Variants in GLIS3 observed in about 807,000 individuals in gnomAD.
The protein encoded by GLIS3 is zinc finger protein GLIS3.
A neutral mutation model predicts 78.6 loss-of-function variants in GLIS3; 53 were observed. The ratio of observed to expected loss-of-function variants is 0.67; its 90% CI spans 0.54 to 0.85. The LOEUF (loss-of-function observed/expected upper bound fraction) is 0.85, where lower values mean the gene tolerates loss of function less well. GLIS3 is among the 40% of genes least tolerant of loss of function. GLIS3 has a pLI of 0.00. For missense variants in GLIS3, 1,703 were observed against 1,231.1 expected (o/e 1.38, Z -5.74); for synonymous variants, 684 against 509.9 (o/e 1.34, Z -4.60).
chr9:4,449,388 G>T, the GLIS3 span, among the ~76,000 whole-genome samples: 1 of 152,210 alleles, frequency 6.6e-6, no homozygotes, highest in African/African-American at 2.4e-5. Context: ...ACCTCTGGTG[G>T]CAGGGCATAG....
chr9:4,121,723 C>T (rs1277093518), intron 3 of GLIS3, among the ~76,000 whole-genome samples: 1 of 152,014 alleles, frequency 6.6e-6, no homozygotes, highest in Non-Finnish European at 1.5e-5. Context: ...CCTACTGGAT[C>T]ATACACATTC....
intron 8 of GLIS3, among the ~76,000 whole-genome samples, chr9:3,860,808 G>T (rs10973868): frequency 0.087 from 13,294 of 152,144 alleles, 717 homozygotes; most frequent in East Asian, 0.18. Flanking sequence ...TTCATTCAAG[G>T]GGTCTTTGTT....
At chr9:4,272,814 T>A (rs563606482) in intron 2 of GLIS3, among the ~76,000 whole-genome samples, 1 of 152,316 alleles carries the variant, frequency 6.6e-6, no homozygotes, top group South Asian at 2.1e-4. Flanking sequence ...AATGAAACTT[T>A]CCCCAAATGT....
intron 4 of GLIS3, among the ~76,000 whole-genome samples, chr9:4,100,396 A>G (rs1245101546): frequency 6.6e-6 from 1 of 152,230 alleles, no homozygotes; most frequent in African/African-American, 2.4e-5. Context: ...ATGGGGGAGT[A>G]CAACAACATA....
At chr9:3,882,514 C>T (rs111449631) in intron 7 of GLIS3, among the ~76,000 whole-genome samples, 9,006 of 151,994 alleles carry the variant, frequency 0.059, 345 homozygotes, top group Middle Eastern at 0.095. Context: ...CCACTAGAAA[C>T]AGGTGGTGAA....
At chr9:4,365,466 G>A in the GLIS3 span, among the ~76,000 whole-genome samples, 3 of 151,994 alleles carry the variant, frequency 2.0e-5, no homozygotes, top group African/African-American at 7.3e-5. Context: ...TGAGGCAGGA[G>A]AATCGCTTGA....
At chr9:3,969,625 A>G (rs1043048797) in intron 4 of GLIS3, among the ~76,000 whole-genome samples, 3 of 152,234 alleles carry the variant, frequency 2.0e-5, no homozygotes, top group African/African-American at 7.2e-5. Flanking sequence ...CCAAAAGCCC[A>G]GGATAGCTCT....
At chr9:4,100,960 C>T (rs900246068) in intron 4 of GLIS3, among the ~76,000 whole-genome samples, 1 of 152,094 alleles carries the variant, frequency 6.6e-6, no homozygotes, top group Non-Finnish European at 1.5e-5. Flanking sequence ...ATATAATAGC[C>T]AGCCCTGGTG....
At chr9:4,203,391 C>T (rs954329981) in intron 2 of GLIS3, among the ~76,000 whole-genome samples, 3 of 152,164 alleles carry the variant, frequency 2.0e-5, no homozygotes, top group Admixed American at 6.5e-5. Context: ...AATGCAATTT[C>T]GTTTAGCAAC....
At chr9:4,329,691 CACCT>C (rs1817655841) in intron 2 of GLIS3, among the ~76,000 whole-genome samples, 1 of 152,120 alleles carries the variant, frequency 6.6e-6, no homozygotes, top group African/African-American at 2.4e-5. Flanking sequence ...TCTGCCCACC[CACCT>C]GATATGCGAA....
intron 6 of GLIS3, among the ~76,000 whole-genome samples, chr9:3,911,031 C>G (rs532306953): frequency 2.6e-4 from 39 of 152,334 alleles, no homozygotes; most frequent in African/African-American, 8.4e-4. Context: ...ATCCCTTATT[C>G]TAGACTTTCT....
At chr9:4,153,997 C>T (rs1834872907) in intron 2 of GLIS3, among the ~76,000 whole-genome samples, 1 of 152,218 alleles carries the variant, frequency 6.6e-6, no homozygotes, top group Admixed American at 6.5e-5. Flanking sequence ...AAGTGGCACA[C>T]TCCCGTGCTG....
At chr9:4,114,526 G>C (rs1199691865) in intron 4 of GLIS3, among the ~76,000 whole-genome samples, 1 of 152,166 alleles carries the variant, frequency 6.6e-6, no homozygotes, top group Non-Finnish European at 1.5e-5. Context: ...CAAATATTTT[G>C]ATAATTCTGA....
In GLIS3 at chr9:3,932,734, A is replaced by G. The variant is rs1825693677; in HGVS notation, c.1873-264T>C. 3 of 446,290 alleles carry G rather than the reference A, an allele frequency of 6.7e-6. No homozygotes were observed. The East Asian group carries it at 1.6e-4, about 23-fold the overall frequency. The allele number at this position is 446,290 out of a possible 1,614,324, so 27.6% of individuals were successfully genotyped here. ...TGCTTTAGTGTGTGCTCTAACCACA[A>G]AACCTCTTGGGGCATTTTTTAATGT... On this transcript the variant is annotated intron_variant, in intron 5 of 10. Coordinates refer to ENST00000381971, the MANE Select transcript of GLIS3 (RefSeq NM_001042413.2).
At chr9:4,271,234 C>G (rs1370361068) in intron 2 of GLIS3, among the ~76,000 whole-genome samples, 3 of 152,094 alleles carry the variant, frequency 2.0e-5, no homozygotes, top group Middle Eastern at 3.2e-3. Context: ...CTCTGGCTTA[C>G]TTTATTGTCA....
At chr9:4,319,338 A>G (rs2130542512) in intron 2 of GLIS3, among the ~76,000 whole-genome samples, 1 of 152,190 alleles carries the variant, frequency 6.6e-6, no homozygotes, top group African/African-American at 2.4e-5. Context: ...CAGATGGGGG[A>G]GCAGGAAGAA....
chr9:4,308,066 A>G (rs545774725), intron 4 of GLIS3, among the ~76,000 whole-genome samples: 12 of 152,108 alleles, frequency 7.9e-5, no homozygotes, highest in Non-Finnish European at 1.3e-4. Context: ...CACTGTCCTT[A>G]CAGTATTTAA....
chr9:4,432,351 A>G, the GLIS3 span, among the ~76,000 whole-genome samples: 28 of 152,182 alleles, frequency 1.8e-4, no homozygotes, highest in African/African-American at 6.5e-4. Context: ...TAGGATCTTA[A>G]CAAACAGAAG....
At chr9:3,915,093 C>A (rs1323856745) in intron 6 of GLIS3, among the ~76,000 whole-genome samples, 1 of 152,142 alleles carries the variant, frequency 6.6e-6, no homozygotes. Context: ...GAAAGGAGGC[C>A]TGGCTTGGAG....
Sources: gnomAD v4.1 joint callset for allele counts (sites outside exome capture counted in the v4.1 genomes callset) on GRCh38, gnomAD v4.1.1 for gene constraint, MANE v1.5 for transcripts, NCBI Gene and HGNC (gene_info 2026-07-23, HGNC 2026-07-21) for gene names.